Variants in SYNE1 observed in about 807,000 individuals in gnomAD.
The protein encoded by SYNE1 is spectrin repeat containing nuclear envelope protein 1, also known as nesprin-1.
A neutral mutation model predicts 1,111.0 loss-of-function variants in SYNE1; 616 were observed. The observed-to-expected ratio is 0.55, with a 90% CI of 0.52 to 0.59. SYNE1 has a LOEUF of 0.59. Ranked by LOEUF, SYNE1 falls within the 20% of genes least tolerant of loss-of-function variation. SYNE1 has a pLI of 0.00. For synonymous variants in SYNE1, 3,855 were observed against 3,825.8 expected (o/e 1.01, Z -0.28); for missense variants, 10,006 against 10,417.0 (o/e 0.96, Z 1.72).
chr6:152,195,980 C>T (rs2635462), intron 127 of SYNE1, among the ~76,000 whole-genome samples: 41,941 of 152,122 alleles, frequency 0.28, 6,722 homozygotes, highest in Middle Eastern at 0.45. Context: ...AAGCTGGTAC[C>T]GAAACCATAA....
At chr6:152,230,816 GT>G in intron 114 of SYNE1, 114 bp from the exon 115 acceptor site, 1 of 1,217,126 alleles carries the variant, frequency 8.2e-7, no homozygotes, top group Non-Finnish European at 1.2e-6. Context: ...TTAAAATACA[GT>G]TCATCGTATA....
At chr6:152,239,972 C>T (rs545909267) in intron 107 of SYNE1, among the ~76,000 whole-genome samples, 1 of 152,296 alleles carries the variant, frequency 6.6e-6, no homozygotes, top group South Asian at 2.1e-4. Flanking sequence ...GCACAAGAAT[C>T]GCTTGAACCT....
chr6:152,286,578 C>T (rs780267959), intron 95 of SYNE1, among the ~76,000 whole-genome samples: 4 of 152,138 alleles, frequency 2.6e-5, no homozygotes, highest in Non-Finnish European at 4.4e-5. Context: ...TCCATTTCCC[C>T]GATGACTAAT....
intron 62 of SYNE1, among the ~76,000 whole-genome samples, chr6:152,365,696 G>A (rs1268331287): frequency 6.6e-6 from 1 of 151,586 alleles, no homozygotes; most frequent in Non-Finnish European, 1.5e-5. Flanking sequence ...CTAGGCTCAA[G>A]CAATCCTCCC....
chr6:152,297,968 T>C (rs2094970392), intron 93 of SYNE1, among the ~76,000 whole-genome samples: 1 of 152,204 alleles, frequency 6.6e-6, no homozygotes, highest in Non-Finnish European at 1.5e-5. Context: ...AATCACTCAG[T>C]ACTATAAATA....
chr6:152,259,616 G>T (rs556455849), intron 101 of SYNE1, among the ~76,000 whole-genome samples: 16 of 152,184 alleles, frequency 1.1e-4, no homozygotes, highest in African/African-American at 3.9e-4. Flanking sequence ...CCCTCTCTAA[G>T]CCTCAGTTTC....
chr6:152,362,190 T>C lies in SYNE1; in HGVS notation c.10279A>G (p.Thr3427Ala). The C allele has an allele frequency of 6.2e-7, 1 of 1,614,234 alleles. No homozygotes were observed. The highest frequency in any genetic ancestry group is 1.1e-5 in the South Asian group (1 of 91,084). ...RQHAELRDKT[T>A]MLGKAKLLNE... ...CTCACCTTGGCTTTTCCGAGCATCGTTGTTTTATCCCGCAGCTCCGCATGC... is the reference window on the plus strand; with the variant it reads ...CTCACCTTGGCTTTTCCGAGCATCGCTGTTTTATCCCGCAGCTCCGCATGC... Residue 3427 changes from threonine to alanine, a missense_variant, in exon 64 of 146, where the codon ACG (threonine) becomes GCG (alanine). By Grantham distance (58) the Thr-to-Ala change is moderately conservative. Around this residue, in one of 7 missense-constraint regions of SYNE1, gnomAD observed 4,955 missense variants for 5,017.2 expected, o/e 0.99. Coordinates refer to ENST00000367255, the MANE Select transcript of SYNE1 (RefSeq NM_182961.4).
At chr6:152,257,085 G>A (rs978641224) in intron 101 of SYNE1, among the ~76,000 whole-genome samples, 3 of 152,084 alleles carry the variant, frequency 2.0e-5, no homozygotes, top group Admixed American at 2.0e-4. Flanking sequence ...TCAATAGCTA[G>A]AAGAGAGGAT....
intron 3 of SYNE1, among the ~76,000 whole-genome samples, chr6:152,588,891 T>G (rs979944284): frequency 2.0e-5 from 3 of 151,952 alleles, no homozygotes; most frequent in African/African-American, 4.8e-5. Context: ...GGCTTAACCC[T>G]CTACAGCCAC....
intron 84 of SYNE1, among the ~76,000 whole-genome samples, chr6:152,320,840 A>AT (rs549433559): frequency 6.9e-4 from 105 of 152,112 alleles, no homozygotes; most frequent in African/African-American, 2.2e-3. Context: ...TATTTCTTTG[A>AT]TTTTTCCCTT....
chr6:152,527,922 T>C (rs1453154321), intron 4 of SYNE1, among the ~76,000 whole-genome samples: 1 of 152,174 alleles, frequency 6.6e-6, no homozygotes, highest in African/African-American at 2.4e-5. Flanking sequence ...TTGCTACTCA[T>C]GCTGCAGGTG....
intron 87 of SYNE1, among the ~76,000 whole-genome samples, chr6:152,311,689 G>T (rs1413811675): frequency 1.3e-5 from 2 of 152,224 alleles, no homozygotes; most frequent in Non-Finnish European, 2.9e-5. Context: ...ACAAAGATGC[G>T]TGAATCTAGA....
At chr6:152,451,296 A>T (rs1049728327) in intron 25 of SYNE1, 91 bp from the exon 26 acceptor site, 1 of 1,338,368 alleles carries the variant, frequency 7.5e-7, no homozygotes, top group Non-Finnish European at 1.1e-6. Flanking sequence ...AACAAAAACC[A>T]TAACATATTC....
chr6:152,604,243 C>T (rs144417636), intron 3 of SYNE1, among the ~76,000 whole-genome samples: 318 of 151,308 alleles, frequency 2.1e-3, no homozygotes, highest in African/African-American at 7.4e-3. Flanking sequence ...TTATACTGTT[C>T]TATGTTGGTT....
intron 84 of SYNE1, chr6:152,320,350 T>C (rs1284064229): frequency 1.3e-5 from 2 of 152,218 alleles, no homozygotes; most frequent in Non-Finnish European, 2.9e-5. Context: ...CATCATACAT[T>C]GAAGATTCCA....
intron 112 of SYNE1, 62 bp downstream of exon 112, chr6:152,233,719 G>T: frequency 6.3e-7 from 1 of 1,594,174 alleles, no homozygotes; most frequent in Non-Finnish European, 8.6e-7. Context: ...GCAAATTAAT[G>T]TATTTCTCCA....
chr6:152,459,563 C>G (rs1013714768), intron 21 of SYNE1, among the ~76,000 whole-genome samples: 5 of 152,184 alleles, frequency 3.3e-5, no homozygotes, highest in Non-Finnish European at 5.9e-5. Flanking sequence ...GTAGTCCAAA[C>G]TGATGCAGCC....
chr6:152,630,005 A>C (rs1244659138), intron 2 of SYNE1, among the ~76,000 whole-genome samples: 1 of 152,192 alleles, frequency 6.6e-6, no homozygotes, highest in East Asian at 1.9e-4. Context: ...GGATTGGTTA[A>C]ATAATAGAGT....
chr6:152,582,940 A>G (rs2099525422), intron 3 of SYNE1, among the ~76,000 whole-genome samples: 1 of 152,190 alleles, frequency 6.6e-6, no homozygotes, highest in Non-Finnish European at 1.5e-5. Flanking sequence ...AAAATTTTTC[A>G]TCAGAGTATT....
Sources: gnomAD v4.1 joint callset for allele counts (sites outside exome capture counted in the v4.1 genomes callset) on GRCh38, gnomAD v4.1.1 for gene constraint, gnomAD v4.1.1 regional missense constraint, MANE v1.5 for transcripts, NCBI Gene and HGNC (gene_info 2026-07-23, HGNC 2026-07-21) for gene names.